FAM149A: variants seen among roughly 807,000 people sequenced by gnomAD.
FAM149A encodes the protein family with sequence similarity 149 member A, also known as protein FAM149A.
FAM149A carries 71 observed loss-of-function variants against 78.2 expected under a neutral mutation model. The observed-to-expected ratio is 0.91, with a 90% CI of 0.75 to 1.11. FAM149A has a LOEUF of 1.11. Among genes scored for constraint, FAM149A ranks in the 50% least tolerant of loss-of-function variants. The pLI is 0.00. For synonymous variants in FAM149A, 446 were observed against 410.5 expected (o/e 1.09, Z -1.04); for missense variants, 1,036 against 971.0 (o/e 1.07, Z -0.89).
chr4:186,152,039 A>G lies in FAM149A; in HGVS notation c.926A>G (p.His309Arg). Residue 309 changes from histidine to arginine, a missense_variant, in exon 4 of 14, where the codon CAT becomes CGT. Around this residue, in one of 3 missense-constraint regions of FAM149A, gnomAD observed 716 missense variants for 711.8 expected, o/e 1.01. Coordinates refer to ENST00000389354, the MANE Select transcript of FAM149A (RefSeq NM_001367768.3). The stretch of plus-strand genomic sequence containing the variant: ...GGGGAGTGGACAAGAAGATCCCTCC[A>G]TTTGAGGTGGGACCTTGGTGGTGGA... 1 of 1,613,696 alleles carries G rather than the reference A, an allele frequency of 6.2e-7. No homozygotes were observed. Among genetic ancestry groups the G allele is most frequent in the Non-Finnish European group, 8.5e-7 (1 of 1,180,004 alleles).
intron 1 of FAM149A, among the ~76,000 whole-genome samples, chr4:186,129,485 C>T (rs558258561): frequency 6.6e-6 from 1 of 152,306 alleles, no homozygotes; most frequent in African/African-American, 2.4e-5. Context: ...TTCAAAAGTT[C>T]TCTTGATTCC....
intron 7 of FAM149A, among the ~76,000 whole-genome samples, chr4:186,156,619 G>A (rs1734048838): frequency 6.6e-6 from 1 of 152,018 alleles, no homozygotes; most frequent in Admixed American, 6.5e-5. Flanking sequence ...GATTGAGATT[G>A]CAGTGAGCAG....
rs1163845708 is a variant in FAM149A, at chr4:186,173,869, G to A, written c.*1882G>A. ...ACATTAGCAATAGAAACTTTTAAGA[G>A]CAAATGCCAGTCTTAATTCAGCAGC... On this transcript the variant is annotated 3_prime_UTR_variant, in exon 14 of 14. Coordinates refer to ENST00000389354, the MANE Select transcript of FAM149A (RefSeq NM_001367768.3). Among the ~76,000 whole-genome samples the A allele has an allele frequency of 8.9e-6, 1 of 111,762 alleles. No homozygotes were observed. Among genetic ancestry groups the A allele is most frequent in the African/African-American group, 2.8e-5 (1 of 35,540 alleles). 73.3% of individuals were successfully genotyped at this position (111,762 alleles called of 152,430 possible).
Position 186,172,105 on chromosome 4 carries a change from C to T in FAM149A, c.*118C>T, listed in dbSNP as rs556356980. ...TGTCTGACAGTGTGAGATGTTAGAC[C>T]GAGAGAAAAGCAAACAAATAAATCA... is the stretch of plus-strand genomic sequence containing the variant. On this transcript the variant is annotated 3_prime_UTR_variant, in exon 14 of 14. Transcript: ENST00000389354. 2.7e-4 allele frequency: 383 copies of T among 1,399,978 alleles called. 6 individuals carry two copies. The South Asian group carries it at 5.0e-3, about 18-fold the overall frequency. 86.7% of individuals were successfully genotyped at this position (1,399,978 alleles called of 1,614,324 possible).
intron 1 of FAM149A, among the ~76,000 whole-genome samples, chr4:186,113,020 C>T (rs1453507299): frequency 1.1e-4 from 16 of 142,062 alleles, no homozygotes; most frequent in African/African-American, 4.1e-4. Context: ...GTGAATCCAT[C>T]TGGTCCTGGA....
intron 13 of FAM149A, among the ~76,000 whole-genome samples, chr4:186,170,509 T>C (rs1012519684): frequency 4.6e-5 from 7 of 152,094 alleles, no homozygotes; most frequent in Non-Finnish European, 7.4e-5. Flanking sequence ...CAGGTAGGGG[T>C]GGCCCTGTCC....
intron 1 of FAM149A, among the ~76,000 whole-genome samples, chr4:186,139,705 A>G (rs528841992): frequency 1.3e-5 from 2 of 152,342 alleles, no homozygotes; most frequent in South Asian, 2.1e-4. Flanking sequence ...AGCAGCCCAG[A>G]TGGACTAGGA....
Position 186,149,429 on chromosome 4 carries a change from TTCAAAA to T in FAM149A, c.677+148_677+153del, listed in dbSNP as rs1733298351. The T allele has an allele frequency of 9.0e-6, 10 of 1,116,070 alleles. No individual in the cohort carries two copies. In the East Asian group the frequency reaches 5.9e-4, roughly 66 times the overall value. 69.1% of individuals were successfully genotyped at this position (1,116,070 alleles called of 1,614,324 possible). On this transcript the variant is annotated intron_variant, in intron 2 of 13. Transcript: ENST00000389354. ...TGTAAACATCACACTGTAAAAATATTTCAAAATTAGTATACTGTGAAATTAATAAAT... is the reference window on the plus strand; with the variant it reads ...TGTAAACATCACACTGTAAAAATATTTTAGTATACTGTGAAATTAATAAAT...
chr4:186,122,321 T>C (rs536475534), intron 1 of FAM149A, among the ~76,000 whole-genome samples: 1 of 152,178 alleles, frequency 6.6e-6, no homozygotes, highest in Non-Finnish European at 1.5e-5. Flanking sequence ...AGTATGGAAT[T>C]TGATTGGATG....
At chr4:186,125,589 G>A (rs1327728045) in intron 1 of FAM149A, 5 of 562,216 alleles carry the variant, frequency 8.9e-6, no homozygotes, top group African/African-American at 2.0e-5. Flanking sequence ...ATTTGCACAC[G>A]AGGTAAAGGG....
At chr4:186,108,685 C>T (rs150891440) in intron 1 of FAM149A, among the ~76,000 whole-genome samples, 2 of 152,122 alleles carry the variant, frequency 1.3e-5, no homozygotes, top group East Asian at 1.9e-4. Flanking sequence ...TCCCTGGATA[C>T]GTGATCCAAC....
intron 1 of FAM149A, among the ~76,000 whole-genome samples, chr4:186,123,567 G>C (rs2099316964): frequency 6.6e-6 from 1 of 152,232 alleles, no homozygotes; most frequent in Admixed American, 6.5e-5. Context: ...CTATGGAGCA[G>C]CTGGTTTGCA....
At chr4:186,134,575 G>A (rs563437138) in intron 1 of FAM149A, among the ~76,000 whole-genome samples, 2 of 152,306 alleles carry the variant, frequency 1.3e-5, no homozygotes, top group Admixed American at 6.5e-5. Flanking sequence ...GTCTTCGTTA[G>A]TCAGACCTAG....
At position 186,144,937 on chromosome 4, in the gene FAM149A, G is replaced by A. The variant is rs1158901117; in HGVS notation, c.567-4236G>A. On this transcript the variant is annotated intron_variant, in intron 1 of 13. Coordinates refer to ENST00000389354, the MANE Select transcript of FAM149A (RefSeq NM_001367768.3). This position sits in a 1 kb window ranked among gnomAD's most constrained non-coding sequence, Gnocchi z 4.2. Reference sequence around the variant, plus strand: ...GGCCAGCCGCGCGGCGGGCGCGGGCGCGGGCGCGGGCGCGGGCGCGGGCGG... The same window carrying A: ...GGCCAGCCGCGCGGCGGGCGCGGGCACGGGCGCGGGCGCGGGCGCGGGCGG... 71 of 249,284 alleles carry A rather than the reference G, an allele frequency of 2.8e-4. No homozygotes were observed. The highest frequency in any genetic ancestry group is 3.2e-4 in the Non-Finnish European group (71 of 219,038). The allele number at this position is 249,284 out of a possible 1,614,324, so 15.4% of individuals were successfully genotyped here.
chr4:186,126,045 G>A (rs2126321459), intron 1 of FAM149A: 1 of 985,350 alleles, frequency 1.0e-6, no homozygotes, highest in Non-Finnish European at 1.2e-6. Context: ...TCCTGTTTGG[G>A]TGGTGTTTCC....
At chr4:186,129,424 T>G (rs1439831056) in intron 1 of FAM149A, among the ~76,000 whole-genome samples, 1 of 152,148 alleles carries the variant, frequency 6.6e-6, no homozygotes, top group Non-Finnish European at 1.5e-5. Context: ...TCACTAAAGA[T>G]CCCCTTGAAA....
chr4:186,146,846 T>G, intron 1 of FAM149A: 1 of 985,428 alleles, frequency 1.0e-6, no homozygotes, highest in Non-Finnish European at 1.2e-6. Flanking sequence ...TCAGAGTAAT[T>G]CTGTAGTGAA....
Position 186,172,333 on chromosome 4 carries a change from C to T in FAM149A, c.*346C>T, listed in dbSNP as rs1735600981. The T allele has an allele frequency of 1.5e-5, 2 of 132,498 alleles. 1 individual carries two copies. Among genetic ancestry groups the T allele is most frequent in the South Asian group, 4.8e-4 (2 of 4,164 alleles). The allele number at this position is 132,498 out of a possible 1,614,324, so 8.2% of individuals were successfully genotyped here. ...CTAATTACATGTAAGAATATATTAT[C>T]TAGGAATATGTCATTTGTAACTTTG... On this transcript the variant is annotated 3_prime_UTR_variant, in exon 14 of 14. Transcript: ENST00000389354.
intron 3 of FAM149A, 31 bp downstream of exon 3, chr4:186,149,735 T>G (rs1272755740): frequency 3.2e-6 from 4 of 1,241,638 alleles, no homozygotes; most frequent in Middle Eastern, 2.2e-4. Flanking sequence ...GATAATCTTG[T>G]AATTACAGTT....
Sources: allele counts gnomAD v4.1 joint callset (sites outside exome capture counted in the v4.1 genomes callset), GRCh38; gene constraint gnomAD v4.1.1; regional missense constraint gnomAD v4.1.1; non-coding constraint Gnocchi (gnomAD v3.1); transcripts MANE v1.5; gene names NCBI Gene and HGNC (gene_info 2026-07-23, HGNC 2026-07-21).